MTBP: variants seen among roughly 807,000 people sequenced by gnomAD.
MTBP encodes the protein MDM2 binding protein.
Under a neutral mutation model 117.0 loss-of-function variants are expected in MTBP, and 101 were observed. That is an observed-to-expected ratio of 0.86 (90% CI 0.73 to 1.02). The LOEUF is 1.02. Ranked by LOEUF, MTBP falls within the 50% of genes least tolerant of loss-of-function variation. MTBP has a pLI of 0.00. For synonymous variants in MTBP, 350 were observed against 351.5 expected (o/e 1.00, Z 0.05); for missense variants, 970 against 1,030.9 (o/e 0.94, Z 0.81).
intron 11 of MTBP, among the ~76,000 whole-genome samples, chr8:120,486,750 C>T (rs1814226578): frequency 6.6e-6 from 1 of 152,240 alleles, no homozygotes; most frequent in East Asian, 1.9e-4. Context: ...GAAAAGCAGG[C>T]TGCGGCTGAA....
At chr8:120,474,793 A>G (rs1813897752) in intron 11 of MTBP, among the ~76,000 whole-genome samples, 1 of 151,970 alleles carries the variant, frequency 6.6e-6, no homozygotes, top group Admixed American at 6.6e-5. Flanking sequence ...CTCTAATGGA[A>G]TTTACACTGT....
rs555859841 is a variant in MTBP at position 120,457,900 on chromosome 8, C to T, written c.747+1230C>T. 1.1e-4 allele frequency among the ~76,000 whole-genome samples: 17 copies of T among 149,584 alleles called. No homozygotes were observed. The South Asian group carries it at 2.3e-3, about 21-fold the overall frequency. On this transcript the variant is annotated intron_variant, in intron 7 of 21. Coordinates refer to ENST00000305949, the MANE Select transcript of MTBP (RefSeq NM_022045.5). ...GGCGGAGGTTTCAGTGAGCTGAGATCGCGCCACTGCACTCCAGCCTGCGTG... is the reference window on the plus strand; with the variant it reads ...GGCGGAGGTTTCAGTGAGCTGAGATTGCGCCACTGCACTCCAGCCTGCGTG...
At chr8:120,489,479 A>C (rs745685987) in intron 12 of MTBP, among the ~76,000 whole-genome samples, 7 of 152,170 alleles carry the variant, frequency 4.6e-5, no homozygotes, top group Non-Finnish European at 7.4e-5. Flanking sequence ...TCCAATAATT[A>C]GCAGTCTTAA....
intron 13 of MTBP, 146 bp downstream of exon 13, chr8:120,490,716 G>T (rs1277257390): frequency 3.6e-6 from 2 of 552,946 alleles, no homozygotes; most frequent in East Asian, 3.2e-5. Flanking sequence ...AAGCAATGAT[G>T]TAGAGTAGAA....
intron 9 of MTBP, among the ~76,000 whole-genome samples, chr8:120,461,967 A>G (rs1813589944): frequency 6.6e-6 from 1 of 152,206 alleles, no homozygotes; most frequent in Admixed American, 6.5e-5. Flanking sequence ...TGCAGAAAAG[A>G]TAACATATAC....
chr8:120,479,029 C>G (rs1814011258), intron 11 of MTBP, among the ~76,000 whole-genome samples: 1 of 152,198 alleles, frequency 6.6e-6, no homozygotes, highest in African/African-American at 2.4e-5. Flanking sequence ...AACTGGAGGC[C>G]ATTATCCTAA....
rs71306885 is a variant in MTBP at position 120,483,007 on chromosome 8, CT to C, written c.1166-5137del. On this transcript the variant is annotated intron_variant, in intron 11 of 21. Coordinates refer to ENST00000305949, the MANE Select transcript of MTBP (RefSeq NM_022045.5). ...AGCCACCGCACCCGGACAGTACTATCTTTTTTTTTTTTTTTAACTATTTTAG... is the reference window on the plus strand; with the variant it reads ...AGCCACCGCACCCGGACAGTACTATCTTTTTTTTTTTTTTAACTATTTTAG... Among the ~76,000 whole-genome samples, 1,109 of 139,878 alleles carry C rather than the reference CT, an allele frequency of 7.9e-3. 7 individuals carry two copies. The highest frequency in any genetic ancestry group is 0.047 in the East Asian group (228 of 4,804). The allele number at this position is 139,878 out of a possible 152,430, so 91.8% of individuals were successfully genotyped here. A position where few individuals can be genotyped will look rare whatever the true frequency, so the allele number is the denominator to read the frequency against.
chr8:120,474,504 A>T (rs1234025796), intron 11 of MTBP, among the ~76,000 whole-genome samples: 1 of 151,962 alleles, frequency 6.6e-6, no homozygotes, highest in African/African-American at 2.4e-5. Context: ...AGACTCTCAG[A>T]TCATTCTCCT....
At chr8:120,454,072 A>G (rs1304530863) in intron 5 of MTBP, among the ~76,000 whole-genome samples, 167 bp downstream of exon 5, 2 of 152,164 alleles carry the variant, frequency 1.3e-5, no homozygotes, top group African/African-American at 2.4e-5. Flanking sequence ...ATGGGAGTAC[A>G]TTACCGAGAT....
chr8:120,482,446 A>G (rs1279502206), intron 11 of MTBP, among the ~76,000 whole-genome samples: 1 of 151,874 alleles, frequency 6.6e-6, no homozygotes, highest in East Asian at 1.9e-4. Flanking sequence ...TGTCTGTTGA[A>G]CAATAAAGAA....
At chr8:120,502,756 C>T (rs1814611515) in intron 15 of MTBP, 147 bp downstream of exon 15, 2 of 557,738 alleles carry the variant, frequency 3.6e-6, no homozygotes, top group Admixed American at 6.5e-5. Context: ...GATAGTTAAT[C>T]ACTAGAGTAG....
At position 120,517,989 on chromosome 8, in the gene MTBP, T is replaced by A. The variant is rs751915905; in HGVS notation, c.2385T>A (p.Pro795=). 8.7e-6 allele frequency: 14 copies of A among 1,612,732 alleles called. No individual in the cohort carries two copies. In the Admixed American group the frequency reaches 2.3e-4, roughly 27 times the overall value. The change falls in exon 19 of 22, where the codon CCT becomes CCA. Residue 795 remains proline (P), a synonymous_variant. Coordinates refer to ENST00000305949, the MANE Select transcript of MTBP (RefSeq NM_022045.5). ...TGACTTGTCCATTGGTTCCAATTCC[T>A]AGCTGTGAAACTCCAAAACTTGCTA... is the stretch of plus-strand genomic sequence containing the variant. ...LPVTCPLVPI[P]SCETPKLATK... is the part of the protein sequence containing the mutation.
chr8:120,509,485 C>G (rs1454272844), intron 16 of MTBP, among the ~76,000 whole-genome samples: 1 of 152,042 alleles, frequency 6.6e-6, no homozygotes, highest in African/African-American at 2.4e-5. Context: ...GCCTGTAATT[C>G]TAGCTACTCG....
At chr8:120,462,549 C>T (rs1358030806) in intron 9 of MTBP, among the ~76,000 whole-genome samples, 2 of 152,106 alleles carry the variant, frequency 1.3e-5, no homozygotes, top group Non-Finnish European at 2.9e-5. Context: ...ATCCATTATA[C>T]ATTACTGTTG....
intron 11 of MTBP, among the ~76,000 whole-genome samples, chr8:120,481,272 A>G (rs1814078346): frequency 6.6e-6 from 1 of 152,208 alleles, no homozygotes; most frequent in Non-Finnish European, 1.5e-5. Context: ...AAACAGTTTG[A>G]CAGTTAAACT....
rs749880717 is a variant in MTBP at position 120,470,897 on chromosome 8, A to G, written c.1125A>G (p.Lys375=). ...CTCCCAACCAACTCAGTTCAAGAAA[A>G]TGGAAGGAATATATAGCTAAAAAGC... ...IPPPNQLSSR[K]WKEYIAKKPK... is the part of the protein sequence containing the mutation. Residue 375 remains lysine (K), a synonymous_variant, in exon 11 of 22, where the codon AAA becomes AAG. Coordinates refer to ENST00000305949, the MANE Select transcript of MTBP (RefSeq NM_022045.5). 27 of 1,610,676 alleles carry G rather than the reference A, an allele frequency of 1.7e-5. No individual in the cohort carries two copies. The highest frequency in any genetic ancestry group is 2.2e-5 in the East Asian group (1 of 44,770).
intron 10 of MTBP, among the ~76,000 whole-genome samples, chr8:120,468,977 C>A (rs1400427694): frequency 1.3e-5 from 2 of 152,092 alleles, no homozygotes; most frequent in Non-Finnish European, 2.9e-5. Context: ...TTCAAAACAA[C>A]AATTTTTTAA....
chr8:120,498,156 T>G (rs1165472935), intron 14 of MTBP, among the ~76,000 whole-genome samples: 1 of 152,214 alleles, frequency 6.6e-6, no homozygotes, highest in Non-Finnish European at 1.5e-5. Context: ...CCAAATGTCT[T>G]TAGGCAAGTT....
At chr8:120,515,595 CAG>C (rs1339272590) in intron 17 of MTBP, among the ~76,000 whole-genome samples, 3 of 151,982 alleles carry the variant, frequency 2.0e-5, no homozygotes, top group African/African-American at 7.2e-5. Context: ...ACTGAGAAAT[CAG>C]GGGTTGGTAG....
Sources: gnomAD v4.1 joint callset for allele counts (sites outside exome capture counted in the v4.1 genomes callset) on GRCh38, gnomAD v4.1.1 for gene constraint, MANE v1.5 for transcripts, NCBI Gene and HGNC (gene_info 2026-07-23, HGNC 2026-07-21) for gene names.